The following SCYL3 variants were observed in gnomAD, a reference collection of about 807,000 sequenced individuals.
SCYL3 encodes the protein protein-associating with the carboxyl-terminal domain of ezrin.
In SCYL3, 35 loss-of-function variants were observed where a neutral mutation model predicts 73.8. The observed-to-expected ratio is 0.47, with a 90% CI of 0.36 to 0.63. The LOEUF is 0.63. Among genes scored for constraint, SCYL3 ranks in the 20% least tolerant of loss-of-function variants. The probability of loss-of-function intolerance (pLI) is 0.00; values close to 1 mark genes in which losing one functional copy is unlikely to be tolerated. For synonymous variants in SCYL3, 277 were observed against 295.2 expected, an observed-to-expected ratio of 0.94 and a Z score of 0.63; for missense variants, 712 against 798.9, an observed-to-expected ratio of 0.89 and a Z score of 1.31.
At chr1:169,859,947 G>T (rs912638759) in intron 10 of SCYL3, 3 of 152,314 alleles carry the variant, frequency 2.0e-5, no homozygotes, top group Non-Finnish European at 2.9e-5. Flanking sequence ...ACCAGCCCAG[G>T]TTGGAAATGG....
rs139925439 is a variant in SCYL3, at chr1:169,883,100, C to T, written c.166-4281G>A. On this transcript the variant is annotated intron_variant, in intron 2 of 12. Transcript: ENST00000367771. Reference sequence around the variant, plus strand: ...CTTCACTCCTGAGCCAGCGAGACCACGAACCCCACCAGAAGGAAGAAACTC... The same window carrying T: ...CTTCACTCCTGAGCCAGCGAGACCATGAACCCCACCAGAAGGAAGAAACTC... Among the ~76,000 whole-genome samples, 500 of 152,194 alleles carry T rather than the reference C, an allele frequency of 3.3e-3. 2 individuals carry two copies. Among genetic ancestry groups the T allele is most frequent in the African/African-American group, 0.011 (474 of 41,514 alleles).
intron 7 of SCYL3, 92 bp from the exon 8 acceptor site, chr1:169,867,065 C>A: frequency 1.4e-6 from 1 of 693,926 alleles, no homozygotes; most frequent in South Asian, 1.9e-5. Flanking sequence ...ATATAATTTT[C>A]AACCAAGAAA....
chr1:169,869,257 T>TC (rs1571413624), intron 6 of SCYL3: 1 of 537,064 alleles, frequency 1.9e-6, no homozygotes, highest in East Asian at 3.2e-5. Context: ...CAGGTGCCAT[T>TC]CCCTTCTATA....
chr1:169,852,231 A>G lies in SCYL3; in HGVS notation c.*1482T>C. 2.7e-6 allele frequency: 1 copy of G among 376,472 alleles called. No homozygotes were observed. Among genetic ancestry groups the G allele is most frequent in the Non-Finnish European group, 4.8e-6 (1 of 207,646 alleles). The allele number at this position is 376,472 out of a possible 1,614,324, so 23.3% of individuals were successfully genotyped here. The stretch of plus-strand genomic sequence containing the variant: ...AGTCTTTACTGAACCACAGAAGAAA[A>G]TGAAAGAAACTTACTCCTAAATGTT... On this transcript the variant is annotated 3_prime_UTR_variant, in exon 13 of 13. Transcript: ENST00000367771.
At chr1:169,893,533 G>T (rs1662232129) in intron 1 of SCYL3, among the ~76,000 whole-genome samples, 1 of 152,080 alleles carries the variant, frequency 6.6e-6, no homozygotes, top group Non-Finnish European at 1.5e-5. Flanking sequence ...CTCTGGCCGC[G>T]GGCGCCTCAC....
intron 1 of SCYL3, among the ~76,000 whole-genome samples, chr1:169,892,283 G>T (rs373834723): frequency 3.3e-5 from 5 of 152,280 alleles, no homozygotes; most frequent in African/African-American, 1.2e-4. Context: ...TAGAGATATG[G>T]TCTTGTTCTG....
At chr1:169,854,137 T>C in intron 12 of SCYL3, 133 bp downstream of exon 12, 1 of 695,098 alleles carries the variant, frequency 1.4e-6, no homozygotes, top group Non-Finnish European at 2.3e-6. Flanking sequence ...TGATAGAAAC[T>C]GATTTTGTTA....
chr1:169,886,885 T>G (rs1661723087), intron 2 of SCYL3, among the ~76,000 whole-genome samples: 1 of 152,220 alleles, frequency 6.6e-6, no homozygotes, highest in African/African-American at 2.4e-5. Flanking sequence ...AAGTGTATAT[T>G]GTTATCCAGT....
At position 169,854,433 on chromosome 1, in the gene SCYL3, T is replaced by C. The variant is rs747276144; in HGVS notation, c.1844A>G (p.Lys615Arg). 4 of 1,613,956 alleles carry C rather than the reference T, an allele frequency of 2.5e-6. No homozygotes were observed. The change falls in exon 12 of 13, where the codon AAA (lysine) becomes AGA (arginine). Residue 615 changes from lysine to arginine, a missense_variant. Lys to Arg is a conservative substitution (Grantham distance 26). This residue lies in a region of SCYL3 where 370 missense variants were observed against 350.8 expected (regional missense o/e 1.05). Transcript: ENST00000367771. The part of the protein sequence containing the change: ...FTIQVKKKPV[K>R]DPEMDWFADM... Reference sequence around the variant, plus strand: ...AGCAAACCAATCCATCTCAGGATCTTTTACTGGCTTCTTTTTTACTTGAAT... The same window carrying C: ...AGCAAACCAATCCATCTCAGGATCTCTTACTGGCTTCTTTTTTACTTGAAT...
At position 169,878,760 on chromosome 1, in the gene SCYL3, C is replaced by A; in HGVS notation, c.225G>T (p.Ala75=). ...GCTCAGTGACAAGATGAATGCCATC[C>A]GCTTCCACAGTACAAGATAAAAATC... The part of the protein sequence containing the change: ...LLRFLSCTVE[A]DGIHLVTERV... Residue 75 remains alanine, a synonymous_variant, in exon 3 of 13, where the codon GCG becomes GCT. Coordinates refer to ENST00000367771, the MANE Select transcript of SCYL3 (RefSeq NM_020423.7). The A allele has an allele frequency of 2.5e-6, 4 of 1,614,108 alleles. No individual in the cohort carries two copies. Among genetic ancestry groups the A allele is most frequent in the Non-Finnish European group, 3.4e-6 (4 of 1,180,006 alleles).
At chr1:169,858,157 G>GT (rs1220932509) in intron 11 of SCYL3, among the ~76,000 whole-genome samples, 1 of 152,096 alleles carries the variant, frequency 6.6e-6, no homozygotes, top group Non-Finnish European at 1.5e-5. Context: ...GTTTTTAACT[G>GT]TTTGACTTTT....
chr1:169,884,767 G>T (rs1390149527), intron 2 of SCYL3, among the ~76,000 whole-genome samples: 2 of 152,172 alleles, frequency 1.3e-5, no homozygotes. Context: ...GTGAGTACTT[G>T]TTTGTTTAAT....
intron 1 of SCYL3, among the ~76,000 whole-genome samples, chr1:169,892,437 G>T (rs549514136): frequency 3.9e-5 from 6 of 152,154 alleles, no homozygotes; most frequent in African/African-American, 1.4e-4. Context: ...CTTTAAAAAT[G>T]ATAATTCAGC....
At chr1:169,876,284 T>C (rs945785730) in intron 3 of SCYL3, among the ~76,000 whole-genome samples, 193 bp from the exon 4 acceptor site, 2 of 152,144 alleles carry the variant, frequency 1.3e-5, no homozygotes, top group Admixed American at 6.5e-5. Context: ...AAACAACAAA[T>C]TGAATGAAGT....
At chr1:169,876,975 A>T (rs1660889568) in intron 3 of SCYL3, among the ~76,000 whole-genome samples, 3 of 149,078 alleles carry the variant, frequency 2.0e-5, no homozygotes, top group Admixed American at 2.0e-4. Flanking sequence ...AAAAAAAAAA[A>T]AAAAAAAAAA....
In SCYL3 at chr1:169,876,958, T is replaced by TAAAAAAA. The variant is rs61051062; in HGVS notation, c.352-874_352-868dup. Among the ~76,000 whole-genome samples, 57 of 76,426 alleles carry TAAAAAAA rather than the reference T, an allele frequency of 7.5e-4. 2 individuals are homozygous for TAAAAAAA. Among genetic ancestry groups the TAAAAAAA allele is most frequent in the Non-Finnish European group, 9.2e-4 (39 of 42,398 alleles). 50.1% of individuals were successfully genotyped at this position (76,426 alleles called of 152,430 possible). ...CGACAGAGTGAGACCTTGTCTCAAA[T>TAAAAAAA]AAAAAAAAAAAAAAAAAAAAAAAAA... On this transcript the variant is annotated intron_variant, in intron 3 of 12. Coordinates refer to ENST00000367771, the MANE Select transcript of SCYL3 (RefSeq NM_020423.7).
At position 169,892,633 on chromosome 1, in the gene SCYL3, T is replaced by A. The variant is rs189077669; in HGVS notation, c.-51+1155A>T. ...TTCGTAGCACTTAGCATCTCCACTC[T>A]ATAATAAAATGCTGAGTTGACAGTC... On this transcript the variant is annotated intron_variant, in intron 1 of 12. Coordinates refer to ENST00000367771, the MANE Select transcript of SCYL3 (RefSeq NM_020423.7). Among the ~76,000 whole-genome samples, 5 of 152,320 alleles carry A rather than the reference T, an allele frequency of 3.3e-5. No homozygotes were observed. The East Asian group carries it at 9.6e-4, about 29-fold the overall frequency.
At chr1:169,876,280 CA>C (rs1660798318) in intron 3 of SCYL3, among the ~76,000 whole-genome samples, 189 bp from the exon 4 acceptor site, 1 of 152,124 alleles carries the variant, frequency 6.6e-6, no homozygotes, top group Non-Finnish European at 1.5e-5. Context: ...TAAGAAACAA[CA>C]AATTGAATGA....
chr1:169,852,742 T>C lies in SCYL3; in HGVS notation c.*971A>G. The C allele has an allele frequency of 6.3e-7, 1 of 1,582,660 alleles. No individual in the cohort carries two copies. ...TTACTCCAGTCCAAAAGGAAGGTTC[T>C]TTATATTTAGAATGGATATTGTGAT... On this transcript the variant is annotated 3_prime_UTR_variant, in exon 13 of 13. Transcript: ENST00000367771.
Sources: allele counts gnomAD v4.1 joint callset (sites outside exome capture counted in the v4.1 genomes callset), GRCh38; gene constraint gnomAD v4.1.1; regional missense constraint gnomAD v4.1.1; transcripts MANE v1.5; gene names NCBI Gene and HGNC (gene_info 2026-07-23, HGNC 2026-07-21).